Variants in TTC29 observed in about 807,000 individuals in gnomAD.
The protein encoded by TTC29 is tetratricopeptide repeat protein 29.
Under a neutral mutation model 58.1 loss-of-function variants are expected in TTC29, and 49 were observed. The ratio of observed to expected loss-of-function variants is 0.84; its 90% confidence interval spans 0.67 to 1.07. The LOEUF is 1.07. Among genes scored for constraint, TTC29 ranks in the 50% least tolerant of loss-of-function variants. The pLI is 0.00. For missense variants in TTC29, 582 were observed against 555.6 expected, an observed-to-expected ratio of 1.05 and a Z score of -0.48; for synonymous variants, 209 against 196.8, an observed-to-expected ratio of 1.06 and a Z score of -0.52.
chr4:146,764,494 G>T (rs1164864970), intron 11 of TTC29, among the ~76,000 whole-genome samples: 2 of 151,736 alleles, frequency 1.3e-5, no homozygotes, highest in African/African-American at 4.8e-5. Flanking sequence ...CTGACATTCA[G>T]TTCCCTGGTT....
chr4:146,853,715 C>G (rs1355342944), intron 8 of TTC29, among the ~76,000 whole-genome samples: 1 of 152,132 alleles, frequency 6.6e-6, no homozygotes, highest in Non-Finnish European at 1.5e-5. Flanking sequence ...AAAATTTAAA[C>G]CTTAAAACAA....
intron 11 of TTC29, among the ~76,000 whole-genome samples, chr4:146,772,901 C>T (rs903719409): frequency 6.6e-6 from 1 of 152,116 alleles, no homozygotes; most frequent in Admixed American, 6.6e-5. Context: ...TATCTTTGAG[C>T]AGTGTTTTGT....
In TTC29 at chr4:146,935,954, A is replaced by G. The variant is rs540865243; in HGVS notation, c.176+1640T>C. Among the ~76,000 whole-genome samples the G allele has an allele frequency of 2.0e-5, 3 of 152,264 alleles. No individual in the cohort carries two copies. The South Asian group carries it at 6.2e-4, about 32-fold the overall frequency. On this transcript the variant is annotated intron_variant, in intron 4 of 12. Transcript: ENST00000325106. The stretch of plus-strand genomic sequence containing the variant: ...AATTTTCTCCTTTTTATGCTATTCA[A>G]TTAGTCTGTCTAGGGCAAGGTCTAG...
chr4:146,757,219 AG>A (rs1327973055), intron 11 of TTC29, among the ~76,000 whole-genome samples: 7 of 151,096 alleles, frequency 4.6e-5, no homozygotes, highest in Admixed American at 4.6e-4. Context: ...TTTTTGTCCC[AG>A]GGGGTGTTCC....
chr4:146,861,439 C>T (rs1344922027), intron 8 of TTC29, among the ~76,000 whole-genome samples: 1 of 152,180 alleles, frequency 6.6e-6, no homozygotes, highest in Non-Finnish European at 1.5e-5. Context: ...GTCAGGGTCT[C>T]TATGACCCCT....
chr4:146,843,081 G>A (rs981900833), intron 8 of TTC29, among the ~76,000 whole-genome samples: 3 of 152,130 alleles, frequency 2.0e-5, no homozygotes, highest in Non-Finnish European at 2.9e-5. Context: ...GCAGTAACAG[G>A]CTGAGGACCA....
In TTC29 at chr4:146,721,851, G is replaced by A. The variant is rs1208732166; in HGVS notation, c.1331-14300C>T. Among the ~76,000 whole-genome samples, 3 of 152,030 alleles carry A rather than the reference G, an allele frequency of 2.0e-5. No individual in the cohort carries two copies. In the East Asian group the frequency reaches 5.8e-4, roughly 29 times the overall value. On this transcript the variant is annotated intron_variant, in intron 11 of 12. Transcript: ENST00000325106. ...GAAAGAAGTAGAAAGTATCCAAATAGTATAATAAGTCATAAAACGATCTCT... is the reference window on the plus strand; with the variant it reads ...GAAAGAAGTAGAAAGTATCCAAATAATATAATAAGTCATAAAACGATCTCT...
At chr4:146,893,103 G>C (rs573718017) in intron 6 of TTC29, among the ~76,000 whole-genome samples, 63 of 152,234 alleles carry the variant, frequency 4.1e-4, no homozygotes, top group African/African-American at 1.5e-3. Flanking sequence ...TGGCCATACT[G>C]CCCCAGGTAA....
intron 8 of TTC29, among the ~76,000 whole-genome samples, chr4:146,845,085 G>A (rs1480066480): frequency 3.3e-5 from 5 of 152,080 alleles, no homozygotes; most frequent in Admixed American, 2.6e-4. Flanking sequence ...TGCTTCTCCT[G>A]GGAATTCGTA....
At chr4:146,827,143 A>T (rs1423667404) in intron 9 of TTC29, among the ~76,000 whole-genome samples, 1 of 151,990 alleles carries the variant, frequency 6.6e-6, no homozygotes, top group Non-Finnish European at 1.5e-5. Context: ...CTGTGCCCAC[A>T]TCCCTTGGCT....
intron 11 of TTC29, among the ~76,000 whole-genome samples, chr4:146,785,194 CTTT>C (rs35617737): frequency 2.2e-5 from 3 of 137,612 alleles, no homozygotes; most frequent in Non-Finnish European, 3.1e-5. Context: ...AACTTGCTGC[CTTT>C]TTTTTTTTTT....
At chr4:146,891,392 G>A (rs1442001219) in intron 6 of TTC29, among the ~76,000 whole-genome samples, 1 of 152,144 alleles carries the variant, frequency 6.6e-6, no homozygotes, top group Non-Finnish European at 1.5e-5. Context: ...ATAACCTTCA[G>A]CCTATTTTAC....
At chr4:146,794,354 T>C (rs184607158) in intron 11 of TTC29, among the ~76,000 whole-genome samples, 18 of 152,234 alleles carry the variant, frequency 1.2e-4, no homozygotes, top group African/African-American at 4.3e-4. Context: ...ACACAATTAG[T>C]TTTTTCATAT....
chr4:146,855,034 C>T (rs1376009259), intron 8 of TTC29, among the ~76,000 whole-genome samples: 1 of 152,134 alleles, frequency 6.6e-6, no homozygotes, highest in Non-Finnish European at 1.5e-5. Context: ...TGGATCATGC[C>T]TGTAATCCCA....
chr4:146,842,341 T>G (rs1728902617), intron 8 of TTC29, among the ~76,000 whole-genome samples: 1 of 152,164 alleles, frequency 6.6e-6, no homozygotes, highest in Non-Finnish European at 1.5e-5. Flanking sequence ...CAGCCAAGGT[T>G]GTGCTTTGTG....
intron 5 of TTC29, among the ~76,000 whole-genome samples, chr4:146,905,443 A>G (rs917531664): frequency 3.3e-5 from 5 of 150,992 alleles, no homozygotes; most frequent in Non-Finnish European, 7.4e-5. Flanking sequence ...TTTTTTAGGA[A>G]TGAGTTAGAT....
chr4:146,740,173 G>C lies in TTC29; in HGVS notation c.1331-32622C>G, dbSNP rs77489402. On this transcript the variant is annotated intron_variant, in intron 11 of 12. Coordinates refer to ENST00000325106, the MANE Select transcript of TTC29 (RefSeq NM_031956.4). ...CAAACCTCCGTTGCATGGAGCCATC[G>C]TATTTTTGTATCTTTTTGTTACTAC... 6.4e-3 allele frequency among the ~76,000 whole-genome samples: 971 copies of C among 152,214 alleles called. 4 individuals are homozygous for C. The highest frequency in any genetic ancestry group is 9.8e-3 in the Non-Finnish European group (664 of 68,008).
intron 6 of TTC29, among the ~76,000 whole-genome samples, chr4:146,878,667 A>T (rs893210119): frequency 2.0e-5 from 3 of 152,188 alleles, no homozygotes; most frequent in African/African-American, 4.8e-5. Flanking sequence ...TTCTCTGGAC[A>T]TGAATCTCTT....
chr4:146,750,181 G>T (rs1043099379), intron 11 of TTC29, among the ~76,000 whole-genome samples: 1 of 152,026 alleles, frequency 6.6e-6, no homozygotes, highest in Non-Finnish European at 1.5e-5. Flanking sequence ...CTAATTTTTT[G>T]TATTTTTAGC....
Sources: allele counts gnomAD v4.1 joint callset (sites outside exome capture counted in the v4.1 genomes callset), GRCh38; gene constraint gnomAD v4.1.1; transcripts MANE v1.5; gene names NCBI Gene and HGNC (gene_info 2026-07-23, HGNC 2026-07-21).